KCNN2: variants seen among roughly 807,000 people sequenced by gnomAD.
KCNN2 encodes potassium calcium-activated channel subfamily N member 2, also known as small conductance calcium-activated potassium channel protein 2.
KCNN2 carries 24 observed loss-of-function variants against 55.5 expected under a neutral mutation model. The ratio of observed to expected loss-of-function variants is 0.43; its 90% CI spans 0.31 to 0.61. The LOEUF is 0.61. Ranked by LOEUF, KCNN2 falls within the 20% of genes least tolerant of loss-of-function variation. The pLI is 0.08. For synonymous variants in KCNN2, 431 were observed against 336.1 expected, an observed-to-expected ratio of 1.28 and a Z score of -3.09; for missense variants, 754 against 853.6, an observed-to-expected ratio of 0.88 and a Z score of 1.45.
At chr5:114,102,943 ATT>A (rs1377054740) in intron 1 of KCNN2, among the ~76,000 whole-genome samples, 1 of 151,980 alleles carries the variant, frequency 6.6e-6, no homozygotes, top group Admixed American at 6.6e-5. Context: ...TTCATAGGAA[ATT>A]TAAAGTAGTT....
At chr5:114,121,124 C>T (rs1317419018) in intron 1 of KCNN2, among the ~76,000 whole-genome samples, 7 of 152,222 alleles carry the variant, frequency 4.6e-5, no homozygotes, top group Non-Finnish European at 1.0e-4. Context: ...GGGCCTCCGT[C>T]TCCTTTTTTC....
At chr5:114,177,098 A>G (rs568296371) in intron 1 of KCNN2, among the ~76,000 whole-genome samples, 2 of 152,044 alleles carry the variant, frequency 1.3e-5, no homozygotes, top group South Asian at 4.1e-4. Flanking sequence ...TAAATATAAG[A>G]TATCAAGTGT....
chr5:114,462,749 C>T (rs1761266318), intron 3 of KCNN2, among the ~76,000 whole-genome samples: 1 of 152,174 alleles, frequency 6.6e-6, no homozygotes, highest in Non-Finnish European at 1.5e-5. Flanking sequence ...AGTGACGAGA[C>T]ACGGGCAGGG....
intron 6 of KCNN2, 69 bp downstream of exon 6, chr5:114,487,246 C>T (rs1377113619): frequency 1.4e-6 from 2 of 1,412,558 alleles, no homozygotes; most frequent in Non-Finnish European, 2.0e-6. Context: ...CTTGTTTATT[C>T]TTGTTTCATA....
intron 1 of KCNN2, among the ~76,000 whole-genome samples, chr5:114,080,038 C>G (rs1750775326): frequency 6.6e-6 from 1 of 152,046 alleles, no homozygotes; most frequent in African/African-American, 2.4e-5. Flanking sequence ...TATGGAAGGA[C>G]CTCTGGTGGA....
intron 1 of KCNN2, among the ~76,000 whole-genome samples, chr5:114,103,192 T>A (rs544451415): frequency 1.2e-4 from 19 of 152,180 alleles, no homozygotes; most frequent in Non-Finnish European, 2.5e-4. Context: ...TTACTTTCTT[T>A]GTAGCAATTG....
chr5:114,400,890 C>T (rs1758765557), intron 2 of KCNN2, among the ~76,000 whole-genome samples: 1 of 152,080 alleles, frequency 6.6e-6, no homozygotes. Context: ...TTCTCTATTT[C>T]ATCTCTTGTT....
intron 2 of KCNN2, among the ~76,000 whole-genome samples, chr5:114,297,925 T>C (rs895523179): frequency 5.9e-5 from 9 of 152,282 alleles, no homozygotes; most frequent in Admixed American, 2.0e-4. Flanking sequence ...TCAGTTTCCT[T>C]ATACGTGAAA....
intron 1 of KCNN2, among the ~76,000 whole-genome samples, chr5:114,163,241 G>T: frequency 6.6e-6 from 1 of 152,134 alleles, no homozygotes; most frequent in East Asian, 1.9e-4. Context: ...TGCAAACAGG[G>T]ATAGTTTGAC....
chr5:114,067,838 A>G (rs757021912), intron 1 of KCNN2, among the ~76,000 whole-genome samples: 1 of 152,212 alleles, frequency 6.6e-6, no homozygotes, highest in Admixed American at 6.5e-5. Context: ...CACTTGCATA[A>G]TATTAATGAC....
intron 1 of KCNN2, among the ~76,000 whole-genome samples, chr5:114,089,437 C>T (rs895929980): frequency 1.3e-5 from 2 of 152,124 alleles, no homozygotes; most frequent in Non-Finnish European, 2.9e-5. Flanking sequence ...GTGGGAGCGC[C>T]AGTTGTTCAG....
intron 3 of KCNN2, among the ~76,000 whole-genome samples, chr5:114,462,612 G>A (rs1761261246): frequency 6.6e-6 from 1 of 152,168 alleles, no homozygotes; most frequent in African/African-American, 2.4e-5. Flanking sequence ...CCATCGTCAG[G>A]AAATCGAGGT....
intron 1 of KCNN2, among the ~76,000 whole-genome samples, chr5:114,118,202 G>T (rs901584242): frequency 3.9e-5 from 6 of 151,992 alleles, no homozygotes; most frequent in Non-Finnish European, 8.8e-5. Context: ...CAGGAGCTGC[G>T]GTGCTCTATT....
intron 2 of KCNN2, among the ~76,000 whole-genome samples, chr5:114,258,735 A>T (rs549247817): frequency 1.8e-4 from 27 of 152,314 alleles, no homozygotes; most frequent in Admixed American, 3.9e-4. Flanking sequence ...TTGGTCAGAC[A>T]ATATCTCCAG....
intron 1 of KCNN2, among the ~76,000 whole-genome samples, chr5:114,064,117 G>A (rs143259839): frequency 6.6e-6 from 1 of 152,148 alleles, no homozygotes; most frequent in East Asian, 1.9e-4. Flanking sequence ...GAGTGGCCTG[G>A]ATGCTTATAG....
intron 1 of KCNN2, among the ~76,000 whole-genome samples, chr5:114,093,819 A>G (rs1340395590): frequency 6.6e-6 from 1 of 152,190 alleles, no homozygotes; most frequent in Non-Finnish European, 1.5e-5. Flanking sequence ...CTCTCCCTTG[A>G]CAAGTGGGGA....
At chr5:114,083,167 T>C (rs913469840) in intron 1 of KCNN2, among the ~76,000 whole-genome samples, 3 of 152,112 alleles carry the variant, frequency 2.0e-5, no homozygotes, top group Non-Finnish European at 4.4e-5. Context: ...TATATTGTAA[T>C]ATCTTCCTTT....
chr5:114,323,585 T>A (rs1756654438), intron 2 of KCNN2, among the ~76,000 whole-genome samples: 1 of 150,988 alleles, frequency 6.6e-6, no homozygotes, highest in Non-Finnish European at 1.5e-5. Context: ...TTCTTTTCTC[T>A]TTGGAAAACA....
chr5:114,199,455 T>C (rs1271839125), intron 1 of KCNN2, among the ~76,000 whole-genome samples: 1 of 152,124 alleles, frequency 6.6e-6, no homozygotes, highest in Non-Finnish European at 1.5e-5. Context: ...GTTCCTGTCA[T>C]ATTATTGATT....
Sources: allele counts gnomAD v4.1 joint callset (sites outside exome capture counted in the v4.1 genomes callset), GRCh38; gene constraint gnomAD v4.1.1; transcripts MANE v1.5; gene names NCBI Gene and HGNC (gene_info 2026-07-23, HGNC 2026-07-21).